GALNT6: variants seen among roughly 807,000 people sequenced by gnomAD.
The protein encoded by GALNT6 is GalNAc transferase 6.
GALNT6 carries 51 observed loss-of-function variants against 65.9 expected under a neutral mutation model. That is an observed-to-expected ratio of 0.77 (90% CI 0.62 to 0.98). GALNT6 has a LOEUF of 0.98. Among genes scored for constraint, GALNT6 ranks in the 50% least tolerant of loss-of-function variants. The pLI is 0.00. For missense variants in GALNT6, 708 were observed against 803.3 expected, an observed-to-expected ratio of 0.88 and a Z score of 1.43; for synonymous variants, 323 against 315.1, an observed-to-expected ratio of 1.02 and a Z score of -0.26.
chr12:51,379,660 G>A lies in GALNT6; in HGVS notation c.122C>T (p.Pro41Leu), dbSNP rs1324961687. The A allele has an allele frequency of 2.5e-6, 4 of 1,613,980 alleles. No individual in the cohort carries two copies. The highest frequency in any genetic ancestry group is 1.3e-5 in the African/African-American group (1 of 74,934). ...CCGGCTCACCAGGGACTTCAGCCAC[G>A]GCTTCTCTGTGGCCTCCTCTCTGCT... ...VSSREEATEK[P>L]WLKSLVSRKD... The change falls in exon 3 of 12, where the codon CCG (proline) becomes CTG (leucine). Residue 41 changes from proline (P) to leucine (L), a missense_variant. Transcript: ENST00000356317.
rs1204435267 is a variant in GALNT6 at position 51,377,334 on chromosome 12, TGGGGGGCAGC to T, written c.515_524del (p.Arg172HisfsTer7). On this transcript the variant is annotated frameshift_variant, in exon 4 of 12. Coordinates refer to ENST00000356317, the MANE Select transcript of GALNT6 (RefSeq NM_007210.4). LOFTEE classifies it high-confidence loss of function. ...CAATGATCACGCTGGTGGTGGCCAG[TGGGGGGCAGC>T]GCCGGAACTTCTGGTCCACACACCT... 2 of 1,612,664 alleles carry T rather than the reference TGGGGGGCAGC, an allele frequency of 1.2e-6. No homozygotes were observed. Among genetic ancestry groups the T allele is most frequent in the Admixed American group, 1.7e-5 (1 of 60,020 alleles).
intron 5 of GALNT6, among the ~76,000 whole-genome samples, chr12:51,364,786 CT>C (rs1447090344): frequency 1.3e-5 from 2 of 152,352 alleles, no homozygotes; most frequent in East Asian, 3.9e-4. Context: ...TGTCTAGCTC[CT>C]TGAGATTTTC....
chr12:51,377,208 AT>A lies in GALNT6; in HGVS notation c.650del (p.Asp217ValfsTer8). Reference protein sequence around the residue: ...ILLKEIILVDDASTEEHLKEK... With the variant: ...ILLKEIILVDXASTEEHLKEK... The stretch of plus-strand genomic sequence containing the variant: ...CTCCAGCCTCACCCTCTGTGCTGGC[AT>A]CATCCACCAGTATGATCTCCTTGAG... On this transcript the variant is annotated frameshift_variant, in exon 4 of 12. Coordinates refer to ENST00000356317, the MANE Select transcript of GALNT6 (RefSeq NM_007210.4). LOFTEE classifies it high-confidence loss of function. 1 of 1,613,616 alleles carries A rather than the reference AT, an allele frequency of 6.2e-7. No individual in the cohort carries two copies. Among genetic ancestry groups the A allele is most frequent in the Non-Finnish European group, 8.5e-7 (1 of 1,179,994 alleles).
chr12:51,360,781 G>A lies in GALNT6; in HGVS notation c.1107C>T (p.Ile369=), dbSNP rs761146974. 10 of 1,613,778 alleles carry A rather than the reference G, an allele frequency of 6.2e-6. No homozygotes were observed. Among genetic ancestry groups the A allele is most frequent in the East Asian group, 2.2e-5 (1 of 44,884 alleles). Residue 369 remains isoleucine (I), a synonymous_variant, in exon 7 of 12, where the codon ATC becomes ATT. Transcript: ENST00000356317. ...TCTCCATCTGATTATCATAGGTACC[G>A]ATGTGCTCAAAGTAGGACTTGGAGA... ...FSISKSYFEH[I]GTYDNQMEIW...
In GALNT6 at chr12:51,359,245, T is replaced by TG. The variant is rs1946845255; in HGVS notation, c.1254dup (p.Lys419GlnfsTer4). On this transcript the variant is annotated frameshift_variant, in exon 8 of 12. Coordinates refer to ENST00000356317, the MANE Select transcript of GALNT6 (RefSeq NM_007210.4). LOFTEE classifies it high-confidence loss of function. Reference sequence around the variant, plus strand: ...TTGCGAGCAATGACACTAGTGCCCTTGGGGAAGGTGTGGGGGCTCTTGGTC... The same window carrying TG: ...TTGCGAGCAATGACACTAGTGCCCTTGGGGGAAGGTGTGGGGGCTCTTGGTC... 1.2e-6 allele frequency: 2 copies of TG among 1,613,926 alleles called. No individual in the cohort carries two copies. The highest frequency in any genetic ancestry group is 1.7e-6 in the Non-Finnish European group (2 of 1,179,922).
intron 10 of GALNT6, 101 bp from the exon 11 acceptor site, chr12:51,356,059 A>G: frequency 9.9e-7 from 1 of 1,010,952 alleles, no homozygotes; most frequent in Non-Finnish European, 1.5e-6. Flanking sequence ...TGGGGAGGAG[A>G]GTGAATGTGA....
rs1247735687 is a variant in GALNT6, at chr12:51,389,994, T to C, written c.-104+856A>G. On this transcript the variant is annotated intron_variant, in intron 2 of 11. Coordinates refer to ENST00000356317, the MANE Select transcript of GALNT6 (RefSeq NM_007210.4). Reference sequence around the variant, plus strand: ...CCTCTTTCTTTTGAGGGTCTTGTCCTGTTCTCTGCCCTGGTGCCCCTGGAA... The same window carrying C: ...CCTCTTTCTTTTGAGGGTCTTGTCCCGTTCTCTGCCCTGGTGCCCCTGGAA... 2.6e-5 allele frequency among the ~76,000 whole-genome samples: 4 copies of C among 152,254 alleles called. No individual in the cohort carries two copies. The East Asian group carries it at 7.7e-4, about 29-fold the overall frequency.
chr12:51,354,611 G>A (rs7971653), intron 11 of GALNT6, 119 bp from the exon 12 acceptor site: 618,515 of 629,968 alleles, frequency 0.98, 304,584 homozygotes, highest in East Asian at 1. Context: ...GGCACAAAGA[G>A]GACACTTCCC....
At chr12:51,378,762 T>C (rs775793765) in intron 3 of GALNT6, among the ~76,000 whole-genome samples, 29 of 152,220 alleles carry the variant, frequency 1.9e-4, no homozygotes, top group East Asian at 7.7e-4. Flanking sequence ...TTGTGCAAGA[T>C]TGAGGCTATA....
At chr12:51,382,636 G>C (rs577598229) in intron 2 of GALNT6, 1 of 152,534 alleles carries the variant, frequency 6.6e-6, no homozygotes, top group African/African-American at 2.4e-5. Flanking sequence ...TCATGCTGAG[G>C]AGCATTTGCC....
intron 4 of GALNT6, among the ~76,000 whole-genome samples, chr12:51,368,254 TG>T (rs1305509101): frequency 1.3e-5 from 2 of 151,948 alleles, no homozygotes; most frequent in African/African-American, 4.8e-5. Flanking sequence ...CATTTCCCTG[TG>T]TGTGAGATCC....
At chr12:51,384,752 G>A (rs1268964877) in intron 2 of GALNT6, among the ~76,000 whole-genome samples, 1 of 151,926 alleles carries the variant, frequency 6.6e-6, no homozygotes, top group Non-Finnish European at 1.5e-5. Context: ...GGGTGTGGTG[G>A]CATAGGCCTG....
At chr12:51,357,507 T>C in intron 9 of GALNT6, 57 bp from the exon 10 acceptor site, 1 of 1,323,476 alleles carries the variant, frequency 7.6e-7, no homozygotes, top group Non-Finnish European at 1.1e-6. Flanking sequence ...AGGTTCCTCA[T>C]GTGTGGTATG....
intron 2 of GALNT6, among the ~76,000 whole-genome samples, chr12:51,381,904 C>A (rs1199026633): frequency 6.6e-6 from 1 of 152,254 alleles, no homozygotes; most frequent in Non-Finnish European, 1.5e-5. Flanking sequence ...TTACTCCCTG[C>A]ATGTTTTGCT....
At chr12:51,390,157 T>TTTCC (rs71991763) in intron 2 of GALNT6, among the ~76,000 whole-genome samples, 1 of 84,694 alleles carries the variant, frequency 1.2e-5, no homozygotes, top group Non-Finnish European at 2.4e-5. Flanking sequence ...TCTTTCTTTC[T>TTTCC]TTTTTTTTTT....
chr12:51,359,453 G>T, intron 7 of GALNT6, 121 bp from the exon 8 acceptor site: 1 of 643,164 alleles, frequency 1.6e-6, no homozygotes, highest in South Asian at 2.1e-5. Context: ...GGCAAATGCT[G>T]CTCTCTCTCC....
In GALNT6 at chr12:51,377,295, T is replaced by C. The variant is rs1947488697; in HGVS notation, c.564A>G (p.Glu188=). 1.2e-6 allele frequency: 2 copies of C among 1,613,512 alleles called. No individual in the cohort carries two copies. Residue 188 remains glutamate (E), a synonymous_variant, in exon 4 of 12, where the codon GAA becomes GAG. Coordinates refer to ENST00000356317, the MANE Select transcript of GALNT6 (RefSeq NM_007210.4). ...CTGTTCGCAGCAGTGTGGACCAGGC[T>C]TCGTTGTGGAACACAATGATCACGC... ...TTSVIIVFHN[E]AWSTLLRTVY...
Position 51,364,162 on chromosome 12 carries a change from T to C in GALNT6, c.1008A>G (p.Pro336=). Residue 336 remains proline (P), a synonymous_variant, in exon 6 of 12, where the codon CCA becomes CCG. Coordinates refer to ENST00000356317, the MANE Select transcript of GALNT6 (RefSeq NM_007210.4). ...CATCCTTGCGCCTCTGCTTCTCATG[T>C]GGAGGAAGTGTTTCCCAGCCGAAGG... is the stretch of plus-strand genomic sequence containing the variant. ...SLTFGWETLP[P]HEKQRRKDET... The C allele has an allele frequency of 2.5e-6, 4 of 1,614,146 alleles. No individual in the cohort carries two copies. Among genetic ancestry groups the C allele is most frequent in the Non-Finnish European group, 3.4e-6 (4 of 1,180,002 alleles).
intron 6 of GALNT6, among the ~76,000 whole-genome samples, chr12:51,362,244 T>C (rs146151679): frequency 4.6e-5 from 7 of 152,212 alleles, no homozygotes; most frequent in East Asian, 1.9e-4. Context: ...AAGTCACTGA[T>C]GGATTAGCCA....
Sources: allele counts gnomAD v4.1 joint callset (sites outside exome capture counted in the v4.1 genomes callset), GRCh38; gene constraint gnomAD v4.1.1; transcripts MANE v1.5; gene names NCBI Gene and HGNC (gene_info 2026-07-23, HGNC 2026-07-21).